Variants in TGFB1I1 observed in about 807,000 individuals in gnomAD.
The protein encoded by TGFB1I1 is transforming growth factor beta-1-induced transcript 1 protein.
A neutral mutation model predicts 52.0 loss-of-function variants in TGFB1I1; 33 were observed. The ratio of observed to expected loss-of-function variants is 0.63; its 90% CI spans 0.48 to 0.85. TGFB1I1 has a LOEUF of 0.85. Among genes scored for constraint, TGFB1I1 ranks in the 40% least tolerant of loss-of-function variants. The pLI is 0.00. For missense variants in TGFB1I1, 577 were observed against 614.9 expected (o/e 0.94, Z 0.65); for synonymous variants, 236 against 253.3 (o/e 0.93, Z 0.65).
chr16:31,472,433 G>A, intron 1 of TGFB1I1: 1 of 845,704 alleles, frequency 1.2e-6, no homozygotes, highest in Non-Finnish European at 1.6e-6. Flanking sequence ...CCCAGGCTGC[G>A]GCAGATGGAA....
In TGFB1I1 at chr16:31,477,401, TG is replaced by T; in HGVS notation, c.1212del (p.Cys405AlafsTer8). On this transcript the variant is annotated frameshift_variant, in exon 11 of 11. Coordinates refer to ENST00000394863, the MANE Select transcript of TGFB1I1 (RefSeq NM_001042454.3). LOFTEE classifies it high-confidence loss of function. This position sits in a 1 kb window ranked among gnomAD's most constrained non-coding sequence, Gnocchi z 4.7. ...CACTTCCACGCACGACGCGGCTCGC[TG>T]TGCGCCACGTGTGGCCTCCCTGTGA... ...ENHFHARRGS[L>X]CATCGLPVTG... The T allele has an allele frequency of 6.2e-7, 1 of 1,609,624 alleles. No individual in the cohort carries two copies.
chr16:31,476,368 G>A lies in TGFB1I1; in HGVS notation c.889-113G>A. On this transcript the variant is annotated intron_variant, in intron 8 of 10. Coordinates refer to ENST00000394863, the MANE Select transcript of TGFB1I1 (RefSeq NM_001042454.3). This position sits in a 1 kb window ranked among gnomAD's most constrained non-coding sequence, Gnocchi z 7.6. ...TTTCTGACCCCCACGTTCCTAGTTA[G>A]ATCTTCTCCCCCTCCCCCCACGCAT... The A allele has an allele frequency of 7.9e-7, 1 of 1,265,900 alleles. No individual in the cohort carries two copies. The highest frequency in any genetic ancestry group is 2.5e-5 in the East Asian group (1 of 40,308). The allele number at this position is 1,265,900 out of a possible 1,614,324, so 78.4% of individuals were successfully genotyped here. A position where few individuals can be genotyped will look rare whatever the true frequency, so the allele number is the denominator to read the frequency against.
chr16:31,473,102 A>G (rs1218199328), intron 1 of TGFB1I1: 1 of 726,380 alleles, frequency 1.4e-6, no homozygotes, highest in African/African-American at 1.9e-5. Context: ...AGAGCGTCCA[A>G]TCAGAAAGCT....
rs1440382537 is a variant in TGFB1I1, at chr16:31,476,318, A to G, written c.888+133A>G. 1.7e-5 allele frequency: 20 copies of G among 1,185,854 alleles called. No individual in the cohort carries two copies. The highest frequency in any genetic ancestry group is 2.1e-5 in the Non-Finnish European group (19 of 900,920). The allele number at this position is 1,185,854 out of a possible 1,614,324, so 73.5% of individuals were successfully genotyped here. A position where few individuals can be genotyped will look rare whatever the true frequency, so the allele number is the denominator to read the frequency against. On this transcript the variant is annotated intron_variant, in intron 8 of 10. Coordinates refer to ENST00000394863, the MANE Select transcript of TGFB1I1 (RefSeq NM_001042454.3). The surrounding 1 kb of genome is among the most constrained non-coding windows in gnomAD (Gnocchi z 7.6). ...CTACCCCTTCCCCTTGGCAATGTCC[A>G]CGGCCCCTTGGACTCCACTCTTCCT...
chr16:31,476,195 G>A lies in TGFB1I1; in HGVS notation c.888+10G>A. The stretch of plus-strand genomic sequence containing the variant: ...CCAGCCCATCCGACACGTGAGCCCC[G>A]CCCGGCCGCACCGAGCCCGCCCTAT... On this transcript the variant is annotated intron_variant, in intron 8 of 10. Transcript: ENST00000394863. This position sits in a 1 kb window ranked among gnomAD's most constrained non-coding sequence, Gnocchi z 7.6. The A allele has an allele frequency of 6.2e-7, 1 of 1,608,600 alleles. No homozygotes were observed. Among genetic ancestry groups the A allele is most frequent in the Non-Finnish European group, 8.5e-7 (1 of 1,178,414 alleles).
chr16:31,473,734 G>A lies in TGFB1I1; in HGVS notation c.182G>A (p.Ser61Asn). 6.4e-7 allele frequency: 1 copy of A among 1,570,288 alleles called. No homozygotes were observed. Among genetic ancestry groups the A allele is most frequent in the Non-Finnish European group, 8.6e-7 (1 of 1,158,472 alleles). ...TCGGGGGACAAGGACCACCTGTACA[G>A]GTGAGGGGCCTGGAAACCAGGGCAT... ...GASGDKDHLY[S>N]TVCKPRSPKP... is the part of the protein sequence containing the mutation. Residue 61 changes from serine (S) to asparagine (N), a missense_variant and splice_region_variant, in exon 3 of 11, where the codon AGC becomes AAC. Transcript: ENST00000394863.
Position 31,476,389 on chromosome 16 carries a change from C to A in TGFB1I1, c.889-92C>A, listed in dbSNP as rs1457488970. 3 of 1,348,384 alleles carry A rather than the reference C, an allele frequency of 2.2e-6. No individual in the cohort carries two copies. Among genetic ancestry groups the A allele is most frequent in the East Asian group, 2.4e-5 (1 of 41,516 alleles). The allele number at this position is 1,348,384 out of a possible 1,614,324, so 83.5% of individuals were successfully genotyped here. ...GTTAGATCTTCTCCCCCTCCCCCCA[C>A]GCATGCCTTAGTCCAGTCACCCGGG... On this transcript the variant is annotated intron_variant, in intron 8 of 10. Coordinates refer to ENST00000394863, the MANE Select transcript of TGFB1I1 (RefSeq NM_001042454.3). The surrounding 1 kb of genome is among the most constrained non-coding windows in gnomAD (Gnocchi z 7.6).
At position 31,474,678 on chromosome 16, in the gene TGFB1I1, A is replaced by T. The variant is rs761880561; in HGVS notation, c.635A>T (p.Gln212Leu). The T allele has an allele frequency of 1.9e-6, 3 of 1,613,296 alleles. No homozygotes were observed. Among genetic ancestry groups the T allele is most frequent in the Admixed American group, 1.7e-5 (1 of 59,938 alleles). Residue 212 changes from glutamine to leucine, a missense_variant, in exon 7 of 11, where the codon CAG becomes CTG. Physicochemically the swap from Gln to Leu is moderately radical, Grantham distance 113 (BLOSUM62 -2). Coordinates refer to ENST00000394863, the MANE Select transcript of TGFB1I1 (RefSeq NM_001042454.3). This position sits in a 1 kb window ranked among gnomAD's most constrained non-coding sequence, Gnocchi z 4.2. Reference sequence around the variant, plus strand: ...CTAGACACCATGCTGGGGCTGCTGCAGTCCGACCTCAGCCGCCGGGGTGTT... The same window carrying T: ...CTAGACACCATGCTGGGGCTGCTGCTGTCCGACCTCAGCCGCCGGGGTGTT... Reference protein sequence around the residue: ...GSLDTMLGLLQSDLSRRGVPT... With the variant: ...GSLDTMLGLLLSDLSRRGVPT...
At position 31,477,284 on chromosome 16, in the gene TGFB1I1, C is replaced by T. The variant is rs200758331; in HGVS notation, c.1120-26C>T. 150 of 1,586,960 alleles carry T rather than the reference C, an allele frequency of 9.5e-5. No homozygotes were observed. The highest frequency in any genetic ancestry group is 2.7e-5 in the African/African-American group (2 of 74,642). The stretch of plus-strand genomic sequence containing the variant: ...TGGCAGTGGCCGCTGACCTGTCTGT[C>T]CTCTTTCGCGGCTTCCCTTCCCCAG... On this transcript the variant is annotated intron_variant, in intron 10 of 10. Coordinates refer to ENST00000394863, the MANE Select transcript of TGFB1I1 (RefSeq NM_001042454.3). The surrounding 1 kb of genome is among the most constrained non-coding windows in gnomAD (Gnocchi z 4.7).
chr16:31,477,467 C>G lies in TGFB1I1; in HGVS notation c.1277C>G (p.Pro426Arg). The change falls in exon 11 of 11, where the codon CCG (proline) becomes CGG (arginine). Residue 426 changes from proline (P) to arginine (R), a missense_variant. This residue lies in a region of TGFB1I1 where 456 missense variants were observed against 461.6 expected (regional missense o/e 0.99). Transcript: ENST00000394863. This position sits in a 1 kb window ranked among gnomAD's most constrained non-coding sequence, Gnocchi z 4.7. ...CVSALGRRFHPDHFTCTFCLR... is the reference protein window; with the variant it reads ...CVSALGRRFHRDHFTCTFCLR... ...TCGGCCCTGGGTCGCCGCTTCCACC[C>G]GGACCACTTCACATGCACCTTCTGC... 6.2e-7 allele frequency: 1 copy of G among 1,602,416 alleles called. No individual in the cohort carries two copies. Among genetic ancestry groups the G allele is most frequent in the Non-Finnish European group, 8.5e-7 (1 of 1,174,984 alleles).
rs4073484 is a variant in TGFB1I1 at position 31,476,196 on chromosome 16, C to G, written c.888+11C>G. 1 of 1,608,408 alleles carries G rather than the reference C, an allele frequency of 6.2e-7. No homozygotes were observed. The highest frequency in any genetic ancestry group is 8.5e-7 in the Non-Finnish European group (1 of 1,178,208). ...CAGCCCATCCGACACGTGAGCCCCGCCCGGCCGCACCGAGCCCGCCCTATC... is the reference window on the plus strand; with the variant it reads ...CAGCCCATCCGACACGTGAGCCCCGGCCGGCCGCACCGAGCCCGCCCTATC... On this transcript the variant is annotated intron_variant, in intron 8 of 10. Transcript: ENST00000394863. This position sits in a 1 kb window ranked among gnomAD's most constrained non-coding sequence, Gnocchi z 7.6.
At position 31,477,644 on chromosome 16, in the gene TGFB1I1, C is replaced by T; in HGVS notation, c.*68C>T. ...CCGGAAAAGCCGGGTCCTCCAGACC[C>T]CGAGGCCTTGCTCTCAGAGCGGGAG... On this transcript the variant is annotated 3_prime_UTR_variant, in exon 11 of 11. Coordinates refer to ENST00000394863, the MANE Select transcript of TGFB1I1 (RefSeq NM_001042454.3). The surrounding 1 kb of genome is among the most constrained non-coding windows in gnomAD (Gnocchi z 4.7). The T allele has an allele frequency of 6.7e-7, 1 of 1,493,800 alleles. No homozygotes were observed. The highest frequency in any genetic ancestry group is 8.9e-7 in the Non-Finnish European group (1 of 1,125,258). The allele number at this position is 1,493,800 out of a possible 1,614,324, so 92.5% of individuals were successfully genotyped here.
In TGFB1I1 at chr16:31,476,548, C is replaced by G; in HGVS notation, c.956C>G (p.Pro319Arg). 6.2e-7 allele frequency: 1 copy of G among 1,613,192 alleles called. No homozygotes were observed. Among genetic ancestry groups the G allele is most frequent in the Non-Finnish European group, 8.5e-7 (1 of 1,179,850 alleles). Residue 319 changes from proline to arginine, a missense_variant, in exon 9 of 11, where the codon CCC becomes CGC. Pro to Arg is a moderately radical substitution (Grantham distance 103, BLOSUM62 -2). Transcript: ENST00000394863. This position sits in a 1 kb window ranked among gnomAD's most constrained non-coding sequence, Gnocchi z 7.6. ...EHFCCVSCGE[P>R]FGDEGFHERE... ...TTCTGCTGCGTCAGTTGCGGGGAGC[C>G]CTTCGGAGATGAGGGTGAGAGTGAA...
In TGFB1I1 at chr16:31,474,357, A is replaced by G; in HGVS notation, c.421A>G (p.Ser141Gly). ...EDKKRPSLPS[S>G]PSPGLPKASA... is the part of the protein sequence containing the mutation. The stretch of plus-strand genomic sequence containing the variant: ...CAAGCATGTTCTTCACAGCCCTTCC[A>G]GCCCGTCTCCTGGCCTCCCAAAGGC... The change falls in exon 6 of 11, where the codon AGC becomes GGC. Residue 141 changes from serine to glycine, a missense_variant. Ser to Gly is a moderately conservative substitution (Grantham distance 56). Coordinates refer to ENST00000394863, the MANE Select transcript of TGFB1I1 (RefSeq NM_001042454.3). The surrounding 1 kb of genome is among the most constrained non-coding windows in gnomAD (Gnocchi z 4.2). The G allele has an allele frequency of 6.2e-7, 1 of 1,614,168 alleles. No homozygotes were observed. The highest frequency in any genetic ancestry group is 1.3e-5 in the African/African-American group (1 of 75,048).
chr16:31,472,167 C>A lies in TGFB1I1; in HGVS notation c.-22C>A. On this transcript the variant is annotated 5_prime_UTR_variant, in exon 1 of 11. Coordinates refer to ENST00000394863, the MANE Select transcript of TGFB1I1 (RefSeq NM_001042454.3). ...CACGGCCCCCGCCCTGTTCGCCCCG[C>A]GCCACCGGCCCGCGCCCCGCCATGG... is the stretch of plus-strand genomic sequence containing the variant. The A allele has an allele frequency of 7.1e-7, 1 of 1,402,858 alleles. No individual in the cohort carries two copies. Among genetic ancestry groups the A allele is most frequent in the Non-Finnish European group, 9.3e-7 (1 of 1,072,844 alleles). The allele number at this position is 1,402,858 out of a possible 1,614,324, so 86.9% of individuals were successfully genotyped here.
rs1014966646 is a variant in TGFB1I1 at position 31,477,587 on chromosome 16, G to A, written c.*11G>A. ...AAGCTCTTCGGCTGACAGCCCGCTC[G>A]GCTCGCCCTCTCCCCCGGAGGCCGC... is the stretch of plus-strand genomic sequence containing the variant. On this transcript the variant is annotated 3_prime_UTR_variant, in exon 11 of 11. Coordinates refer to ENST00000394863, the MANE Select transcript of TGFB1I1 (RefSeq NM_001042454.3). This position sits in a 1 kb window ranked among gnomAD's most constrained non-coding sequence, Gnocchi z 4.7. 2.5e-6 allele frequency: 4 copies of A among 1,591,002 alleles called. No individual in the cohort carries two copies. Among genetic ancestry groups the A allele is most frequent in the Non-Finnish European group, 3.4e-6 (4 of 1,170,042 alleles).
rs1567384516 is a variant in TGFB1I1, at chr16:31,477,443, C to G, written c.1253C>G (p.Ser418Trp). ...CTCCCTGTGACCGGCCGCTGCGTGT[C>G]GGCCCTGGGTCGCCGCTTCCACCCG... ...CGLPVTGRCV[S>W]ALGRRFHPDH... The change falls in exon 11 of 11, where the codon TCG (serine) becomes TGG (tryptophan). Residue 418 changes from serine (S) to tryptophan (W), a missense_variant. Physicochemically the swap from Ser to Trp is radical, Grantham distance 177. This residue lies in a region of TGFB1I1 where 456 missense variants were observed against 461.6 expected (regional missense o/e 0.99). Coordinates refer to ENST00000394863, the MANE Select transcript of TGFB1I1 (RefSeq NM_001042454.3). This position sits in a 1 kb window ranked among gnomAD's most constrained non-coding sequence, Gnocchi z 4.7. The G allele has an allele frequency of 1.2e-6, 2 of 1,600,632 alleles. No homozygotes were observed. Among genetic ancestry groups the G allele is most frequent in the African/African-American group, 2.7e-5 (2 of 74,612 alleles).
chr16:31,477,618 C>T lies in TGFB1I1; in HGVS notation c.*42C>T. Reference sequence around the variant, plus strand: ...CCCTCTCCCCCGGAGGCCGCGCCCTCCCGGAAAAGCCGGGTCCTCCAGACC... The same window carrying T: ...CCCTCTCCCCCGGAGGCCGCGCCCTTCCGGAAAAGCCGGGTCCTCCAGACC... On this transcript the variant is annotated 3_prime_UTR_variant, in exon 11 of 11. Coordinates refer to ENST00000394863, the MANE Select transcript of TGFB1I1 (RefSeq NM_001042454.3). The surrounding 1 kb of genome is among the most constrained non-coding windows in gnomAD (Gnocchi z 4.7). 5 of 1,543,906 alleles carry T rather than the reference C, an allele frequency of 3.2e-6. No homozygotes were observed. Among genetic ancestry groups the T allele is most frequent in the Non-Finnish European group, 4.4e-6 (5 of 1,149,374 alleles).
chr16:31,476,224 A>T lies in TGFB1I1; in HGVS notation c.888+39A>T. Reference sequence around the variant, plus strand: ...GGCCGCACCGAGCCCGCCCTATCTCACCAGGAGAGCTGTGGGACGGGCCTC... The same window carrying T: ...GGCCGCACCGAGCCCGCCCTATCTCTCCAGGAGAGCTGTGGGACGGGCCTC... On this transcript the variant is annotated intron_variant, in intron 8 of 10. Coordinates refer to ENST00000394863, the MANE Select transcript of TGFB1I1 (RefSeq NM_001042454.3). The surrounding 1 kb of genome is among the most constrained non-coding windows in gnomAD (Gnocchi z 7.6). 6.3e-7 allele frequency: 1 copy of T among 1,592,872 alleles called. No homozygotes were observed. The highest frequency in any genetic ancestry group is 8.5e-7 in the Non-Finnish European group (1 of 1,170,180).
Sources: allele counts gnomAD v4.1 joint callset, GRCh38; gene constraint gnomAD v4.1.1; regional missense constraint gnomAD v4.1.1; non-coding constraint Gnocchi (gnomAD v3.1); transcripts MANE v1.5; gene names NCBI Gene and HGNC (gene_info 2026-07-23, HGNC 2026-07-21).